Variants in CCDC192 observed in about 807,000 individuals in gnomAD.
CCDC192 encodes coiled-coil domain-containing protein 192.
intron 2 of CCDC192, among the ~76,000 whole-genome samples, chr5:127,724,314 A>G (rs934620978): frequency 4.6e-5 from 7 of 152,206 alleles, no homozygotes; most frequent in African/African-American, 1.7e-4. Context: ...TCTACCTGCG[A>G]TCTTCCTTAC....
intron 3 of CCDC192, among the ~76,000 whole-genome samples, chr5:127,783,539 T>C (rs1050411822): frequency 6.6e-6 from 1 of 152,244 alleles, no homozygotes; most frequent in Non-Finnish European, 1.5e-5. Context: ...TTGTGGCCTA[T>C]TATATGGTCT....
intron 3 of CCDC192, among the ~76,000 whole-genome samples, chr5:127,773,874 T>C (rs1380133747): frequency 1.3e-5 from 2 of 152,202 alleles, no homozygotes; most frequent in Non-Finnish European, 2.9e-5. Flanking sequence ...ATTACATTCT[T>C]ACCAGCAATG....
chr5:127,806,570 T>G lies in CCDC192; in HGVS notation c.411+8408T>G, dbSNP rs146823464. Among the ~76,000 whole-genome samples the G allele has an allele frequency of 3.8e-3, 581 of 152,302 alleles. 3 individuals carry two copies. Among genetic ancestry groups the G allele is most frequent in the African/African-American group, 0.013 (549 of 41,558 alleles). ...TTCTTACTTAATAAGCTTAGACTTCTCACATCAACATTCTATCAAAGGAAT... is the reference window on the plus strand; with the variant it reads ...TTCTTACTTAATAAGCTTAGACTTCGCACATCAACATTCTATCAAAGGAAT... On this transcript the variant is annotated intron_variant, in intron 5 of 6. Transcript: ENST00000514853.
chr5:127,735,421 G>A lies in CCDC192; in HGVS notation c.115-18847G>A, dbSNP rs1296901115. Among the ~76,000 whole-genome samples the A allele has an allele frequency of 2.6e-4, 39 of 147,560 alleles. 2 individuals carry two copies. Among genetic ancestry groups the A allele is most frequent in the African/African-American group, 9.9e-4 (38 of 38,482 alleles). Reference sequence around the variant, plus strand: ...GTCTTGGAAATGTGGGCTCTTTTTTGGTTCCATATGAACTTTAAAGTAGTT... The same window carrying A: ...GTCTTGGAAATGTGGGCTCTTTTTTAGTTCCATATGAACTTTAAAGTAGTT... On this transcript the variant is annotated intron_variant, in intron 2 of 6. Coordinates refer to ENST00000514853, the MANE Select transcript of CCDC192 (RefSeq NM_001317938.2).
Position 127,833,484 on chromosome 5 carries a change from T to C in CCDC192, c.411+35322T>C, listed in dbSNP as rs138425979. ...GTAAACTCCTTGAGAGCAAGGACATTATGTTCCATGTATCCTCCTTATACT... is the reference window on the plus strand; with the variant it reads ...GTAAACTCCTTGAGAGCAAGGACATCATGTTCCATGTATCCTCCTTATACT... On this transcript the variant is annotated intron_variant, in intron 5 of 6. Coordinates refer to ENST00000514853, the MANE Select transcript of CCDC192 (RefSeq NM_001317938.2). Among the ~76,000 whole-genome samples the C allele has an allele frequency of 6.6e-5, 10 of 152,284 alleles. No individual in the cohort carries two copies. In the East Asian group the frequency reaches 1.9e-3, roughly 29 times the overall value.
At chr5:127,797,750 TATATATATATATATATATATA>T (rs1561494016) in intron 4 of CCDC192, among the ~76,000 whole-genome samples, 13 of 30,974 alleles carry the variant, frequency 4.2e-4, no homozygotes, top group South Asian at 1.7e-3. Context: ...TATATATATA[TATATATATATATATATATATA>T]TATATATTTA....
At chr5:127,826,785 A>C (rs527753478) in intron 5 of CCDC192, among the ~76,000 whole-genome samples, 4 of 151,872 alleles carry the variant, frequency 2.6e-5, no homozygotes, top group African/African-American at 9.7e-5. Context: ...AGCTAAAATA[A>C]AAGTTGAAAA....
intron 3 of CCDC192, among the ~76,000 whole-genome samples, chr5:127,794,321 G>T (rs1202291394): frequency 6.6e-6 from 1 of 152,128 alleles, no homozygotes; most frequent in Non-Finnish European, 1.5e-5. Flanking sequence ...CTGAAAACTT[G>T]AACTCCAGAA....
intron 6 of CCDC192, among the ~76,000 whole-genome samples, chr5:127,890,952 T>A (rs245168): frequency 0.28 from 42,565 of 152,030 alleles, 6,237 homozygotes; most frequent in African/African-American, 0.36. Context: ...AGCAGCCATG[T>A]TTTTTTCCCC....
At chr5:127,765,888 T>C (rs952900892) in intron 3 of CCDC192, among the ~76,000 whole-genome samples, 1 of 152,208 alleles carries the variant, frequency 6.6e-6, no homozygotes, top group African/African-American at 2.4e-5. Context: ...GTTGTCCATA[T>C]TATGGAGACT....
intron 5 of CCDC192, among the ~76,000 whole-genome samples, chr5:127,804,311 A>C (rs1290960566): frequency 6.6e-6 from 1 of 152,126 alleles, no homozygotes; most frequent in African/African-American, 2.4e-5. Context: ...CTCTCCCACT[A>C]TGTGCAATCT....
chr5:127,830,892 G>A (rs1347814063), intron 5 of CCDC192, among the ~76,000 whole-genome samples: 2 of 152,108 alleles, frequency 1.3e-5, no homozygotes, highest in African/African-American at 2.4e-5. Context: ...AACACAGAAT[G>A]TTAAACCACA....
intron 5 of CCDC192, among the ~76,000 whole-genome samples, chr5:127,817,593 T>C (rs1009776528): frequency 3.3e-5 from 5 of 152,184 alleles, no homozygotes; most frequent in African/African-American, 1.2e-4. Context: ...TAGGTACTGG[T>C]TGCCATTGGC....
chr5:127,707,105 G>C (rs1751012189), intron 1 of CCDC192, among the ~76,000 whole-genome samples: 1 of 152,182 alleles, frequency 6.6e-6, no homozygotes, highest in Admixed American at 6.5e-5. Context: ...AGTGGTACTA[G>C]TAGTGGTACT....
chr5:127,852,151 G>T (rs1023480088), intron 5 of CCDC192, among the ~76,000 whole-genome samples: 1 of 152,056 alleles, frequency 6.6e-6, no homozygotes, highest in Non-Finnish European at 1.5e-5. Flanking sequence ...CCTATCACAC[G>T]TGCCTCCTCT....
chr5:127,940,933 T>A (rs1754382781), intron 6 of CCDC192: 1 of 337,186 alleles, frequency 3.0e-6, no homozygotes, highest in East Asian at 4.5e-5. Flanking sequence ...TAAACAAGAG[T>A]TGGCAAGGGC....
At chr5:127,915,386 T>G (rs1001738852) in intron 6 of CCDC192, among the ~76,000 whole-genome samples, 7 of 152,160 alleles carry the variant, frequency 4.6e-5, no homozygotes, top group African/African-American at 1.4e-4. Flanking sequence ...TCATAAACTT[T>G]CTTTTTTTTG....
At chr5:127,854,233 C>T (rs1400503527) in intron 5 of CCDC192, among the ~76,000 whole-genome samples, 1 of 152,114 alleles carries the variant, frequency 6.6e-6, no homozygotes, top group Non-Finnish European at 1.5e-5. Context: ...CACATTTTTT[C>T]TCTTTTCACT....
chr5:127,821,485 A>T (rs73783985), intron 5 of CCDC192, among the ~76,000 whole-genome samples: 6 of 152,208 alleles, frequency 3.9e-5, no homozygotes, highest in Non-Finnish European at 8.8e-5. Context: ...CTTTCTAAGG[A>T]TCCCATGAGT....
Sources: gnomAD v4.1 joint callset for allele counts (sites outside exome capture counted in the v4.1 genomes callset) on GRCh38, gnomAD v4.1.1 for gene constraint, MANE v1.5 for transcripts, NCBI Gene and HGNC (gene_info 2026-07-23, HGNC 2026-07-21) for gene names.